SLC25A48: variants seen among roughly 807,000 people sequenced by gnomAD.
SLC25A48 encodes the protein CTC-321K16.1.
Under a neutral mutation model 32.2 loss-of-function variants are expected in SLC25A48, and 29 were observed. That is an observed-to-expected ratio of 0.90 (90% CI 0.67 to 1.23). The LOEUF (loss-of-function observed/expected upper bound fraction) is 1.23, where lower values mean the gene tolerates loss of function less well. SLC25A48 is among the 50% of genes most tolerant of loss of function. The pLI is 0.00. For synonymous variants in SLC25A48, 164 were observed against 172.3 expected (o/e 0.95, Z 0.38); for missense variants, 399 against 422.7 (o/e 0.94, Z 0.49).
chr5:135,851,834 TGGAAG>T (rs891190113), intron 3 of SLC25A48, among the ~76,000 whole-genome samples: 1 of 152,176 alleles, frequency 6.6e-6, no homozygotes, highest in African/African-American at 2.4e-5. Context: ...GAATGCCGTG[TGGAAG>T]GGACCGAACC....
At chr5:135,786,538 T>C (rs1366808512) in intron 3 of SLC25A48, among the ~76,000 whole-genome samples, 2 of 152,124 alleles carry the variant, frequency 1.3e-5, no homozygotes, top group Admixed American at 1.3e-4. Context: ...TATCTGATGT[T>C]TTTACATCCT....
intron 1 of SLC25A48, among the ~76,000 whole-genome samples, chr5:135,616,937 A>G (rs1306157395): frequency 6.6e-6 from 1 of 152,136 alleles, no homozygotes; most frequent in Admixed American, 6.5e-5. Flanking sequence ...TTGTGTCCTT[A>G]TCTGGTTTTG....
intron 1 of SLC25A48, among the ~76,000 whole-genome samples, chr5:135,593,851 C>T (rs1751583741): frequency 6.6e-6 from 1 of 152,130 alleles, no homozygotes; most frequent in South Asian, 2.1e-4. Flanking sequence ...TTAATGGGGA[C>T]ATTATTGTTC....
At chr5:135,685,077 A>G (rs2126953512) in intron 3 of SLC25A48, among the ~76,000 whole-genome samples, 1 of 152,236 alleles carries the variant, frequency 6.6e-6, no homozygotes, top group South Asian at 2.1e-4. Context: ...TATTATCAAA[A>G]ATTTTAATTT....
chr5:135,774,347 C>T (rs1164809483), intron 3 of SLC25A48, among the ~76,000 whole-genome samples: 1 of 151,636 alleles, frequency 6.6e-6, no homozygotes, highest in Non-Finnish European at 1.5e-5. Flanking sequence ...CCCAATATGT[C>T]GGGTGGTGTA....
chr5:135,807,750 CATAG>C (rs76094791), intron 3 of SLC25A48, among the ~76,000 whole-genome samples: 16,917 of 149,852 alleles, frequency 0.11, 1,156 homozygotes, highest in South Asian at 0.19. Context: ...TTATAAATAT[CATAG>C]ATATTTTATT....
At chr5:135,618,723 G>T (rs1752247879) in intron 1 of SLC25A48, among the ~76,000 whole-genome samples, 1 of 152,078 alleles carries the variant, frequency 6.6e-6, no homozygotes, top group Non-Finnish European at 1.5e-5. Context: ...GTCTGGGAAA[G>T]ACTTAATCTC....
intron 3 of SLC25A48, 23 bp downstream of exon 3, chr5:135,850,519 G>A: frequency 1.2e-6 from 2 of 1,612,700 alleles, no homozygotes; most frequent in Non-Finnish European, 1.7e-6. Flanking sequence ...TGGGCGGGTG[G>A]AGTGATGCCT....
At chr5:135,703,824 C>G (rs1420247172) in intron 3 of SLC25A48, among the ~76,000 whole-genome samples, 2 of 152,202 alleles carry the variant, frequency 1.3e-5, no homozygotes, top group Non-Finnish European at 2.9e-5. Flanking sequence ...GCCCTCTTCT[C>G]CAGGGCCCAC....
chr5:135,667,159 T>C (rs959321353), intron 3 of SLC25A48, among the ~76,000 whole-genome samples: 2 of 152,210 alleles, frequency 1.3e-5, no homozygotes, highest in African/African-American at 4.8e-5. Context: ...TCTCTGAGCC[T>C]GTGCTGCCCT....
At chr5:135,852,482 G>T in intron 3 of SLC25A48, 81 bp from the exon 4 acceptor site, 3 of 1,499,638 alleles carry the variant, frequency 2.0e-6, no homozygotes, top group South Asian at 1.3e-5. Context: ...AGATGTGTCC[G>T]GTGGTGTACC....
intron 3 of SLC25A48, among the ~76,000 whole-genome samples, chr5:135,776,846 T>G (rs10463940): frequency 0.3 from 45,864 of 151,522 alleles, 7,091 homozygotes; most frequent in East Asian, 0.46. Flanking sequence ...AATATCAAAA[T>G]GTATATACAA....
At chr5:135,728,828 A>G (rs1161545286) in intron 3 of SLC25A48, among the ~76,000 whole-genome samples, 1 of 147,894 alleles carries the variant, frequency 6.8e-6, no homozygotes, top group Non-Finnish European at 1.5e-5. Context: ...TTTCCCCTGA[A>G]CACATACACA....
At chr5:135,695,691 C>A (rs1006017627) in intron 3 of SLC25A48, among the ~76,000 whole-genome samples, 1 of 152,182 alleles carries the variant, frequency 6.6e-6, no homozygotes, top group Non-Finnish European at 1.5e-5. Context: ...GTGCTGGAGG[C>A]GGCTGTGTTT....
chr5:135,859,611 C>A (rs147415092), intron 4 of SLC25A48, among the ~76,000 whole-genome samples: 84 of 152,286 alleles, frequency 5.5e-4, no homozygotes, highest in African/African-American at 2.0e-3. Flanking sequence ...TAAGTTAGGG[C>A]TTTTTCAAAG....
intron 1 of SLC25A48, among the ~76,000 whole-genome samples, chr5:135,622,723 T>C (rs1299645937): frequency 6.6e-6 from 1 of 152,250 alleles, no homozygotes; most frequent in African/African-American, 2.4e-5. Flanking sequence ...TACACATTTT[T>C]TATTTTCCAA....
chr5:135,583,627 G>T (rs968350326), intron 1 of SLC25A48, among the ~76,000 whole-genome samples: 3 of 151,736 alleles, frequency 2.0e-5, no homozygotes, highest in Non-Finnish European at 4.4e-5. Flanking sequence ...ATCTCCCTGT[G>T]CATTAATGTT....
At chr5:135,583,442 C>T (rs1363225569) in intron 1 of SLC25A48, among the ~76,000 whole-genome samples, 2 of 151,894 alleles carry the variant, frequency 1.3e-5, no homozygotes, top group Non-Finnish European at 2.9e-5. Flanking sequence ...ATTCCTTCCC[C>T]CATTCTTTTA....
At chr5:135,886,253 TCGCTGCC>T (rs1454639009) in intron 7 of SLC25A48, among the ~76,000 whole-genome samples, 3 of 152,044 alleles carry the variant, frequency 2.0e-5, no homozygotes, top group Admixed American at 2.0e-4. Context: ...TGGCTCTTCC[TCGCTGCC>T]CAGCCTCAGC....
Sources: allele counts gnomAD v4.1 joint callset (sites outside exome capture counted in the v4.1 genomes callset), GRCh38; gene constraint gnomAD v4.1.1; transcripts MANE v1.5; gene names NCBI Gene and HGNC (gene_info 2026-07-23, HGNC 2026-07-21).